The following CORO1C variants were observed in gnomAD, a reference collection of about 807,000 sequenced individuals.
The protein encoded by CORO1C is coronin-1C.
In CORO1C, 14 loss-of-function variants were observed where a neutral mutation model predicts 51.2. That is an observed-to-expected ratio of 0.27 (90% CI 0.18 to 0.43). The LOEUF (loss-of-function observed/expected upper bound fraction) is 0.43. Among genes scored for constraint, CORO1C ranks in the 20% least tolerant of loss-of-function variants. CORO1C has a pLI of 1.00. For missense variants in CORO1C, 417 were observed against 607.8 expected (o/e 0.69, Z 3.30); for synonymous variants, 181 against 210.5 (o/e 0.86, Z 1.21).
At chr12:108,652,250 C>G (rs1381001675) in intron 8 of CORO1C, 22 bp downstream of exon 8, 1 of 1,610,004 alleles carries the variant, frequency 6.2e-7, no homozygotes, top group East Asian at 2.2e-5. Context: ...ACCTAGAATA[C>G]TTGACAATCT....
chr12:108,661,104 A>G (rs1399409188), intron 4 of CORO1C, among the ~76,000 whole-genome samples: 1 of 152,236 alleles, frequency 6.6e-6, no homozygotes, highest in African/African-American at 2.4e-5. Context: ...TATATTTGCT[A>G]AGTTTCAACA....
At chr12:108,667,882 T>C (rs1487562658) in intron 3 of CORO1C, among the ~76,000 whole-genome samples, 2 of 152,104 alleles carry the variant, frequency 1.3e-5, no homozygotes, top group Admixed American at 1.3e-4. Context: ...AAGAGAACAA[T>C]CCCAACAAGA....
intron 10 of CORO1C, among the ~76,000 whole-genome samples, chr12:108,648,034 G>A: frequency 6.6e-6 from 1 of 152,142 alleles, no homozygotes; most frequent in East Asian, 1.9e-4. Flanking sequence ...CCCGGCAACA[G>A]CAGCACTCTC....
chr12:108,655,095 C>T (rs1312886515), intron 6 of CORO1C, among the ~76,000 whole-genome samples: 1 of 90,776 alleles, frequency 1.1e-5, no homozygotes, highest in Non-Finnish European at 2.1e-5. Context: ...AAAATCATTC[C>T]ATCAAAATCC....
chr12:108,722,860 C>A (rs1338510419), intron 1 of CORO1C, among the ~76,000 whole-genome samples: 3 of 152,218 alleles, frequency 2.0e-5, no homozygotes, highest in African/African-American at 7.2e-5. Context: ...CAGTCCACTG[C>A]ACTCAAGACA....
At chr12:108,709,239 T>C (rs948642942) in intron 1 of CORO1C, among the ~76,000 whole-genome samples, 1 of 152,150 alleles carries the variant, frequency 6.6e-6, no homozygotes, top group African/African-American at 2.4e-5. Flanking sequence ...GCATAGAATC[T>C]GAAGCATAGT....
chr12:108,663,403 T>C (rs1173730776), intron 3 of CORO1C, among the ~76,000 whole-genome samples: 2 of 152,224 alleles, frequency 1.3e-5, no homozygotes, highest in Admixed American at 1.3e-4. Flanking sequence ...GCATTATTTG[T>C]AATAGCCCAA....
intron 6 of CORO1C, 46 bp downstream of exon 6, chr12:108,657,258 G>C: frequency 1.3e-6 from 2 of 1,599,654 alleles, no homozygotes; most frequent in South Asian, 2.2e-5. Context: ...TCAGAACAGA[G>C]AGAAAGCTCA....
intron 1 of CORO1C, among the ~76,000 whole-genome samples, chr12:108,724,049 C>G (rs2035532674): frequency 6.6e-6 from 1 of 152,158 alleles, no homozygotes; most frequent in South Asian, 2.1e-4. Flanking sequence ...CAAGAGATAT[C>G]ATGTATTTTC....
Position 108,718,369 on chromosome 12 carries a change from GAA to G in CORO1C, c.-6+13058_-6+13059del, listed in dbSNP as rs58845281. On this transcript the variant is annotated intron_variant, in intron 1 of 10. Transcript: ENST00000261401. ...GGCGACAAGAGTGAGACTCCGTCTC[GAA>G]AAAAAAAAAAAAATACAAAAATTAG... 2.7e-3 allele frequency among the ~76,000 whole-genome samples: 359 copies of G among 132,336 alleles called. 2 individuals carry two copies. The highest frequency in any genetic ancestry group is 6.0e-3 in the African/African-American group (212 of 35,106). The allele number at this position is 132,336 out of a possible 152,430, so 86.8% of individuals were successfully genotyped here.
intron 3 of CORO1C, among the ~76,000 whole-genome samples, chr12:108,674,571 A>C (rs1391126596): frequency 2.0e-5 from 3 of 151,734 alleles, no homozygotes; most frequent in Non-Finnish European, 4.4e-5. Context: ...AAAAAAAAAA[A>C]ACCTTCTGGA....
At chr12:108,700,893 A>C (rs572555214) in intron 2 of CORO1C, 31 of 468,190 alleles carry the variant, frequency 6.6e-5, no homozygotes, top group Middle Eastern at 1.1e-3. Context: ...TCGTTATAAT[A>C]ATTTTTTCAT....
chr12:108,659,040 G>C (rs2033146380), intron 4 of CORO1C, 121 bp from the exon 5 acceptor site: 4 of 1,052,452 alleles, frequency 3.8e-6, no homozygotes, highest in Non-Finnish European at 5.1e-6. Flanking sequence ...GAGAGAAAGA[G>C]AGAGAGAGAA....
intron 2 of CORO1C, among the ~76,000 whole-genome samples, chr12:108,688,036 G>C (rs558175178): frequency 2.0e-5 from 3 of 150,322 alleles, no homozygotes; most frequent in Non-Finnish European, 4.4e-5. Context: ...CGATTCTCCC[G>C]CCTCAGCCTC....
At chr12:108,651,698 A>G (rs1300147633) in intron 8 of CORO1C, among the ~76,000 whole-genome samples, 3 of 152,228 alleles carry the variant, frequency 2.0e-5, no homozygotes, top group African/African-American at 7.2e-5. Context: ...CTATTTCAGT[A>G]GGTGTGCAAT....
At position 108,654,461 on chromosome 12, in the gene CORO1C, A is replaced by T. The variant is rs80095558; in HGVS notation, c.751-51T>A. On this transcript the variant is annotated intron_variant, in intron 6 of 10. Coordinates refer to ENST00000261401, the MANE Select transcript of CORO1C (RefSeq NM_014325.4). ...TATATGTGTATGTATACATTTTTTT[A>T]AAAATAAATTTTTATAACCTTATTA... is the stretch of plus-strand genomic sequence containing the variant. 2.9e-3 allele frequency: 3,102 copies of T among 1,067,722 alleles called. 53 individuals carry two copies. The African/African-American group carries it at 0.042, about 14-fold the overall frequency. The allele number at this position is 1,067,722 out of a possible 1,614,324, so 66.1% of individuals were successfully genotyped here. A position where few individuals can be genotyped will look rare whatever the true frequency, so the allele number is the denominator to read the frequency against.
intron 2 of CORO1C, among the ~76,000 whole-genome samples, 176 bp from the exon 3 acceptor site, chr12:108,678,570 C>T (rs1028170069): frequency 4.5e-4 from 68 of 152,010 alleles, no homozygotes; most frequent in African/African-American, 1.6e-3. Context: ...CAAGGACATG[C>T]GATCAAATTA....
At chr12:108,715,576 T>C (rs975459955) in intron 1 of CORO1C, among the ~76,000 whole-genome samples, 4 of 152,012 alleles carry the variant, frequency 2.6e-5, no homozygotes, top group Non-Finnish European at 5.9e-5. Context: ...TGAAAAAGCA[T>C]TGCTGAAGAA....
At chr12:108,695,739 C>A (rs2034651493) in intron 2 of CORO1C, among the ~76,000 whole-genome samples, 1 of 151,156 alleles carries the variant, frequency 6.6e-6, no homozygotes, top group Admixed American at 6.6e-5. Context: ...CTTCATCAAC[C>A]TAGGTTCTAT....
Sources: gnomAD v4.1 joint callset for allele counts (sites outside exome capture counted in the v4.1 genomes callset) on GRCh38, gnomAD v4.1.1 for gene constraint, MANE v1.5 for transcripts, NCBI Gene and HGNC (gene_info 2026-07-23, HGNC 2026-07-21) for gene names.